The following ARIH2 variants were observed in gnomAD, a reference collection of about 807,000 sequenced individuals.
The protein encoded by ARIH2 is ariadne RBR E3 ubiquitin protein ligase 2.
Under a neutral mutation model 79.8 loss-of-function variants are expected in ARIH2, and 12 were observed. The ratio of observed to expected loss-of-function variants is 0.15; its 90% CI spans 0.10 to 0.24. The LOEUF (loss-of-function observed/expected upper bound fraction) is 0.24. Among genes scored for constraint, ARIH2 ranks in the 10% least tolerant of loss-of-function variants. The pLI is 1.00. For synonymous variants in ARIH2, 224 were observed against 213.9 expected, an observed-to-expected ratio of 1.05 and a Z score of -0.41; for missense variants, 301 against 618.3, an observed-to-expected ratio of 0.49 and a Z score of 5.44.
rs34693818 is a variant in ARIH2 at position 48,956,439 on chromosome 3, CTTTTTTTTTTTTTTTT to C, written c.256-5154_256-5139del. Among the ~76,000 whole-genome samples the C allele has an allele frequency of 8.5e-4, 31 of 36,266 alleles. 1 individual carries two copies. Among genetic ancestry groups the C allele is most frequent in the South Asian group, 2.4e-3 (2 of 836 alleles). 23.8% of individuals were successfully genotyped at this position (36,266 alleles called of 152,430 possible). A position where few individuals can be genotyped will look rare whatever the true frequency, so the allele number is the denominator to read the frequency against. On this transcript the variant is annotated intron_variant, in intron 3 of 15. Coordinates refer to ENST00000356401, the MANE Select transcript of ARIH2 (RefSeq NM_006321.4). ...CAGACGTGAGCCACTGCGCCCGGCACTTTTTTTTTTTTTTTTTTTTTTTTTTTTTTTTTTAAGAGAC... is the reference window on the plus strand; with the variant it reads ...CAGACGTGAGCCACTGCGCCCGGCACTTTTTTTTTTTTTTTTTTAAGAGAC...
intron 1 of ARIH2, among the ~76,000 whole-genome samples, chr3:48,920,023 G>C (rs1226133594): frequency 7.3e-5 from 11 of 150,166 alleles, no homozygotes. Flanking sequence ...GCTGTCACCA[G>C]GCTGGAGTGC....
At chr3:48,920,885 C>CAA (rs537331018) in intron 1 of ARIH2, among the ~76,000 whole-genome samples, 1 of 41,534 alleles carries the variant, frequency 2.4e-5, no homozygotes, top group African/African-American at 7.6e-5. Flanking sequence ...GCAAGACTCT[C>CAA]AAAAAAAAAA....
chr3:48,959,497 A>G (rs1357537223), intron 3 of ARIH2, among the ~76,000 whole-genome samples: 1 of 151,544 alleles, frequency 6.6e-6, no homozygotes, highest in Non-Finnish European at 1.5e-5. Flanking sequence ...TAATTTGGGA[A>G]ACCTAGGCCT....
At chr3:48,968,940 G>C (rs1330844248) in intron 7 of ARIH2, among the ~76,000 whole-genome samples, 1 of 152,090 alleles carries the variant, frequency 6.6e-6, no homozygotes, top group Non-Finnish European at 1.5e-5. Context: ...CTGGAGTGCA[G>C]TGGCGCAATC....
intron 3 of ARIH2, among the ~76,000 whole-genome samples, chr3:48,938,378 A>T (rs981937020): frequency 1.3e-5 from 2 of 152,184 alleles, no homozygotes; most frequent in African/African-American, 4.8e-5. Context: ...CTCACTAAAC[A>T]AACAGTGGCA....
rs997542999 is a variant in ARIH2, at chr3:48,966,588, A to G, written c.388-537A>G. On this transcript the variant is annotated intron_variant, in intron 5 of 15. Coordinates refer to ENST00000356401, the MANE Select transcript of ARIH2 (RefSeq NM_006321.4). Reference sequence around the variant, plus strand: ...TGAGTTGTAACTTGGTAAAGGCTGTAGTATTTTGTGGTTTGGGTACGTCGA... The same window carrying G: ...TGAGTTGTAACTTGGTAAAGGCTGTGGTATTTTGTGGTTTGGGTACGTCGA... Among the ~76,000 whole-genome samples, 4 of 152,194 alleles carry G rather than the reference A, an allele frequency of 2.6e-5. No homozygotes were observed. In the South Asian group the frequency reaches 6.2e-4, roughly 24 times the overall value.
chr3:48,983,550 A>G lies in ARIH2; in HGVS notation c.*280A>G, dbSNP rs897369133. On this transcript the variant is annotated 3_prime_UTR_variant, in exon 16 of 16. Transcript: ENST00000356401. ...GAGGGAAAGTGTTTTCTGAATGGCT[A>G]TTAATAGTATTAGATCATTACAACT... is the stretch of plus-strand genomic sequence containing the variant. 6.6e-6 allele frequency: 3 copies of G among 456,926 alleles called. No homozygotes were observed. The highest frequency in any genetic ancestry group is 7.9e-6 in the Non-Finnish European group (2 of 254,074). 28.3% of individuals were successfully genotyped at this position (456,926 alleles called of 1,614,324 possible).
chr3:48,938,412 C>T (rs1270578062), intron 3 of ARIH2, among the ~76,000 whole-genome samples: 2 of 151,786 alleles, frequency 1.3e-5, no homozygotes, highest in African/African-American at 2.4e-5. Context: ...GCATACTTCT[C>T]AGCAGTATGA....
chr3:48,926,306 T>C (rs1335976753), intron 2 of ARIH2, among the ~76,000 whole-genome samples: 1 of 151,956 alleles, frequency 6.6e-6, no homozygotes, highest in Non-Finnish European at 1.5e-5. Context: ...TCGCTTTTAT[T>C]GCCCAGGCTG....
intron 4 of ARIH2, among the ~76,000 whole-genome samples, chr3:48,963,065 A>C (rs2091440792): frequency 6.6e-6 from 1 of 152,094 alleles, no homozygotes. Flanking sequence ...ATTTATCTAC[A>C]GAGGAAGATC....
chr3:48,947,888 G>A (rs1027776119), intron 3 of ARIH2, among the ~76,000 whole-genome samples: 1 of 152,100 alleles, frequency 6.6e-6, no homozygotes, highest in African/African-American at 2.4e-5. Context: ...ACTCATTTTT[G>A]AAGCAGCTCT....
intron 9 of ARIH2, 159 bp from the exon 10 acceptor site, chr3:48,974,658 G>C: frequency 1.4e-6 from 1 of 712,756 alleles, no homozygotes; most frequent in Non-Finnish European, 2.5e-6. Flanking sequence ...TTGAATTGCT[G>C]TTCCAGCCTC....
In ARIH2 at chr3:48,984,730, C is replaced by T. The variant is rs1228584455; in HGVS notation, c.*1460C>T. The T allele has an allele frequency of 1.3e-5, 2 of 152,222 alleles. No homozygotes were observed. The highest frequency in any genetic ancestry group is 3.9e-4 in the East Asian group (2 of 5,188). 9.4% of individuals were successfully genotyped at this position (152,222 alleles called of 1,614,324 possible). A position where few individuals can be genotyped will look rare whatever the true frequency, so the allele number is the denominator to read the frequency against. ...CTCCAAGTAGAGCTGATACAGAGAT[C>T]TGTGAATATTGTGATAGAAATTCTT... On this transcript the variant is annotated 3_prime_UTR_variant, in exon 16 of 16. Coordinates refer to ENST00000356401, the MANE Select transcript of ARIH2 (RefSeq NM_006321.4).
chr3:48,929,751 G>C (rs750579746), intron 3 of ARIH2, among the ~76,000 whole-genome samples: 1 of 152,150 alleles, frequency 6.6e-6, no homozygotes, highest in African/African-American at 2.4e-5. Flanking sequence ...TCTACAGTAG[G>C]TATTGAATAA....
At chr3:48,955,830 TTC>T (rs1351365006) in intron 3 of ARIH2, among the ~76,000 whole-genome samples, 1 of 152,148 alleles carries the variant, frequency 6.6e-6, no homozygotes, top group Non-Finnish European at 1.5e-5. Flanking sequence ...GTTCAGTCAG[TTC>T]TCTCTTGTGA....
chr3:48,928,364 G>A (rs566191605), intron 3 of ARIH2, among the ~76,000 whole-genome samples: 1 of 152,268 alleles, frequency 6.6e-6, no homozygotes, highest in South Asian at 2.1e-4. Flanking sequence ...AATGAACAAA[G>A]TTGATTACCC....
intron 3 of ARIH2, among the ~76,000 whole-genome samples, chr3:48,939,930 A>G (rs1237215392): frequency 6.6e-6 from 1 of 151,012 alleles, no homozygotes; most frequent in Non-Finnish European, 1.5e-5. Flanking sequence ...TTACCTCAAA[A>G]AGAAACCCCC....
chr3:48,979,116 G>C (rs539473557), intron 11 of ARIH2, among the ~76,000 whole-genome samples: 1 of 152,298 alleles, frequency 6.6e-6, no homozygotes, highest in East Asian at 1.9e-4. Context: ...GATGATGTGC[G>C]TTTAAGACAG....
chr3:48,919,070 C>T, intron 1 of ARIH2, 72 bp downstream of exon 1: 4 of 1,304,102 alleles, frequency 3.1e-6, no homozygotes, highest in Non-Finnish European at 3.9e-6. Flanking sequence ...CGCGCGCCTC[C>T]CTGGCCGGGC....
Sources: allele counts gnomAD v4.1 joint callset (sites outside exome capture counted in the v4.1 genomes callset), GRCh38; gene constraint gnomAD v4.1.1; transcripts MANE v1.5; gene names NCBI Gene and HGNC (gene_info 2026-07-23, HGNC 2026-07-21).